Variants in SYT2 observed in about 807,000 individuals in gnomAD.
SYT2 encodes synaptotagmin-2.
A neutral mutation model predicts 39.9 loss-of-function variants in SYT2; 15 were observed. That is an observed-to-expected ratio of 0.38 (90% CI 0.25 to 0.58). The LOEUF (loss-of-function observed/expected upper bound fraction) is 0.58. Ranked by LOEUF, SYT2 falls within the 20% of genes least tolerant of loss-of-function variation. The probability of loss-of-function intolerance (pLI) is 0.70; values close to 1 mark genes in which losing one functional copy is unlikely to be tolerated. For synonymous variants in SYT2, 181 were observed against 204.5 expected (o/e 0.89, Z 0.98); for missense variants, 389 against 530.3 (o/e 0.73, Z 2.62).
At chr1:202,664,320 C>A (rs1392368590) in intron 1 of SYT2, among the ~76,000 whole-genome samples, 1 of 152,310 alleles carries the variant, frequency 6.6e-6, no homozygotes, top group East Asian at 1.9e-4. Context: ...TGCATGCACA[C>A]AACAGCAACA....
intron 1 of SYT2, among the ~76,000 whole-genome samples, chr1:202,653,762 G>A (rs1382354016): frequency 4.6e-5 from 7 of 152,264 alleles, no homozygotes; most frequent in Middle Eastern, 3.4e-3. Flanking sequence ...GCCACAACCC[G>A]CTGGACCTCT....
chr1:202,692,743 T>C (rs1414233098), intron 1 of SYT2, among the ~76,000 whole-genome samples: 6 of 152,172 alleles, frequency 3.9e-5, no homozygotes, highest in African/African-American at 1.2e-4. Context: ...AGTTTTCTCC[T>C]CAGCCAGCTT....
Position 202,698,034 on chromosome 1 carries a change from C to T in SYT2, c.-18+12224G>A, listed in dbSNP as rs370433887. Among the ~76,000 whole-genome samples, 19 of 151,976 alleles carry T rather than the reference C, an allele frequency of 1.3e-4. No homozygotes were observed. The East Asian group carries it at 2.3e-3, about 19-fold the overall frequency. The stretch of plus-strand genomic sequence containing the variant: ...GGGAAAGAAAACACAGCAGGGGATG[C>T]GGGGAGGGTGAAGGATCAGGGATCC... On this transcript the variant is annotated intron_variant, in intron 1 of 8. Transcript: ENST00000367268.
intron 1 of SYT2, among the ~76,000 whole-genome samples, chr1:202,655,019 G>A (rs1692254842): frequency 6.6e-6 from 1 of 152,144 alleles, no homozygotes; most frequent in African/African-American, 2.4e-5. Flanking sequence ...CTTGTACTAT[G>A]GGCCAAATGG....
chr1:202,667,205 A>T (rs1692494844), intron 1 of SYT2, among the ~76,000 whole-genome samples: 1 of 152,152 alleles, frequency 6.6e-6, no homozygotes. Context: ...CTGGGAGGAA[A>T]AAAAGGAGGA....
intron 1 of SYT2, among the ~76,000 whole-genome samples, chr1:202,687,401 A>G (rs190895131): frequency 1.3e-5 from 2 of 151,936 alleles, no homozygotes; most frequent in South Asian, 4.2e-4. Flanking sequence ...CTCACTCTCT[A>G]TCATGTTGCT....
chr1:202,597,866 G>A (rs899909877), intron 8 of SYT2, among the ~76,000 whole-genome samples: 1 of 152,174 alleles, frequency 6.6e-6, no homozygotes, highest in Admixed American at 6.5e-5. Context: ...TTTAGGAAGA[G>A]AATCAAGAGG....
At chr1:202,598,644 T>A (rs533392141) in intron 8 of SYT2, among the ~76,000 whole-genome samples, 1 of 24,958 alleles carries the variant, frequency 4.0e-5, no homozygotes, top group Non-Finnish European at 8.5e-5. Context: ...GGTGGGTGGG[T>A]GGGTCTCTTG....
chr1:202,604,505 C>T lies in SYT2; in HGVS notation c.295G>A (p.Gly99Ser), dbSNP rs755914506. ...CKKKKNKKEK[G>S]KGMKNAMNMK... is the part of the protein sequence containing the mutation. ...TTCATGGCATTCTTCATGCCTTTGC[C>T]CTTCTCCTTCTTGTTCTTCTTCTTC... The change falls in exon 3 of 9, where the codon GGC becomes AGC. Residue 99 changes from glycine to serine, a missense_variant. By Grantham distance (56) the Gly-to-Ser change is moderately conservative (BLOSUM62 0). This residue lies in a region of SYT2 where 280 missense variants were observed against 335.6 expected (regional missense o/e 0.83). Coordinates refer to ENST00000367268, the MANE Select transcript of SYT2 (RefSeq NM_177402.5). 6.2e-7 allele frequency: 1 copy of T among 1,614,216 alleles called. No individual in the cohort carries two copies. Among genetic ancestry groups the T allele is most frequent in the Non-Finnish European group, 8.5e-7 (1 of 1,180,036 alleles).
At chr1:202,662,468 C>T (rs1692399775) in intron 1 of SYT2, among the ~76,000 whole-genome samples, 3 of 152,384 alleles carry the variant, frequency 2.0e-5, no homozygotes, top group South Asian at 2.1e-4. Context: ...AGGCCAAGGG[C>T]TCCTCCATAG....
intron 1 of SYT2, among the ~76,000 whole-genome samples, chr1:202,683,199 C>CA (rs1653568987): frequency 6.6e-6 from 1 of 152,212 alleles, no homozygotes; most frequent in African/African-American, 2.4e-5. Flanking sequence ...GCAAAACATA[C>CA]ATACCCCGTG....
chr1:202,643,328 CG>C (rs1249672423), intron 1 of SYT2: 1 of 151,262 alleles, frequency 6.6e-6, no homozygotes, highest in African/African-American at 2.4e-5. Context: ...AGGGCGGGGG[CG>C]GGGGCGGGGG....
At chr1:202,651,510 A>C (rs1692193988) in intron 1 of SYT2, among the ~76,000 whole-genome samples, 1 of 152,112 alleles carries the variant, frequency 6.6e-6, no homozygotes, top group South Asian at 2.1e-4. Context: ...TTGACTCATA[A>C]ATCATACAGG....
chr1:202,662,659 A>G (rs761921432), intron 1 of SYT2, among the ~76,000 whole-genome samples: 15 of 152,198 alleles, frequency 9.9e-5, no homozygotes, highest in Non-Finnish European at 1.6e-4. Context: ...TGCCAGGCTC[A>G]TTAAGAGACG....
intron 1 of SYT2, among the ~76,000 whole-genome samples, chr1:202,659,272 C>G (rs573390376): frequency 4.2e-4 from 64 of 152,258 alleles, no homozygotes; most frequent in Non-Finnish European, 8.7e-4. Context: ...TTTAAGGGAA[C>G]TTTTTAGTCC....
At chr1:202,708,469 G>C (rs114570641) in intron 1 of SYT2, among the ~76,000 whole-genome samples, 2 of 152,030 alleles carry the variant, frequency 1.3e-5, no homozygotes, top group Admixed American at 1.3e-4. Context: ...AGCCTCTGGG[G>C]GGAGTCCTAG....
intron 1 of SYT2, among the ~76,000 whole-genome samples, chr1:202,681,276 CA>C (rs1653518756): frequency 6.6e-6 from 1 of 152,166 alleles, no homozygotes; most frequent in Admixed American, 6.5e-5. Flanking sequence ...TCCCTCCATC[CA>C]AACTGCCCCA....
At chr1:202,694,263 G>A (rs1173901359) in intron 1 of SYT2, among the ~76,000 whole-genome samples, 1 of 152,188 alleles carries the variant, frequency 6.6e-6, no homozygotes, top group African/African-American at 2.4e-5. Flanking sequence ...TAGAAAAAAG[G>A]AGCTGAGTCT....
At chr1:202,664,485 T>A (rs947740993) in intron 1 of SYT2, among the ~76,000 whole-genome samples, 1 of 152,172 alleles carries the variant, frequency 6.6e-6, no homozygotes, top group Admixed American at 6.5e-5. Flanking sequence ...CCAATCAATA[T>A]ACAGCACGTT....
Sources: gnomAD v4.1 joint callset for allele counts (sites outside exome capture counted in the v4.1 genomes callset) on GRCh38, gnomAD v4.1.1 for gene constraint, gnomAD v4.1.1 regional missense constraint, MANE v1.5 for transcripts, NCBI Gene and HGNC (gene_info 2026-07-23, HGNC 2026-07-21) for gene names.